Variants in CTNNA3 observed in about 807,000 individuals in gnomAD.
CTNNA3 encodes catenin alpha-3.
Under a neutral mutation model 95.7 loss-of-function variants are expected in CTNNA3, and 76 were observed. The observed-to-expected ratio is 0.79, with a 90% CI of 0.66 to 0.96. The LOEUF (loss-of-function observed/expected upper bound fraction) is 0.96. Among genes scored for constraint, CTNNA3 ranks in the 40% least tolerant of loss-of-function variants. The pLI is 0.00. For missense variants in CTNNA3, 1,191 were observed against 1,089.8 expected, an observed-to-expected ratio of 1.09 and a Z score of -1.31; for synonymous variants, 431 against 374.4, an observed-to-expected ratio of 1.15 and a Z score of -1.74.
intron 7 of CTNNA3, among the ~76,000 whole-genome samples, chr10:67,166,547 T>A (rs1367255747): frequency 6.6e-6 from 1 of 152,224 alleles, no homozygotes; most frequent in Non-Finnish European, 1.5e-5. Context: ...AATCCATTAA[T>A]AATTTTCTCT....
chr10:66,787,729 T>A (rs1041410565), intron 7 of CTNNA3, among the ~76,000 whole-genome samples: 2 of 152,202 alleles, frequency 1.3e-5, no homozygotes, highest in Non-Finnish European at 2.9e-5. Context: ...ACCAGCAAGA[T>A]TTAAAATGAA....
At chr10:66,218,891 C>G (rs79081986) in intron 13 of CTNNA3, among the ~76,000 whole-genome samples, 1 of 152,198 alleles carries the variant, frequency 6.6e-6, no homozygotes, top group Non-Finnish European at 1.5e-5. Context: ...AGATACAGGA[C>G]AGAGTCCTAA....
chr10:66,065,764 C>G (rs2080300920), intron 15 of CTNNA3, among the ~76,000 whole-genome samples: 1 of 152,112 alleles, frequency 6.6e-6, no homozygotes, highest in Non-Finnish European at 1.5e-5. Flanking sequence ...TAAATCCTGT[C>G]TATAAATACA....
chr10:67,486,015 G>C (rs1466200756), intron 5 of CTNNA3, among the ~76,000 whole-genome samples: 1 of 152,110 alleles, frequency 6.6e-6, no homozygotes, highest in Non-Finnish European at 1.5e-5. Context: ...ATGTTATAAA[G>C]CTGCTAAAAA....
At chr10:67,034,957 C>A (rs912176726) in intron 7 of CTNNA3, among the ~76,000 whole-genome samples, 1 of 152,144 alleles carries the variant, frequency 6.6e-6, no homozygotes, top group African/African-American at 2.4e-5. Context: ...ATATGCCCAC[C>A]TATGTCTATA....
At chr10:66,082,547 T>A (rs997406571) in intron 14 of CTNNA3, among the ~76,000 whole-genome samples, 3 of 152,050 alleles carry the variant, frequency 2.0e-5, no homozygotes, top group African/African-American at 7.2e-5. Context: ...GTGGAAAAAT[T>A]GATGAAATTT....
chr10:67,154,898 T>C (rs1416925835), intron 7 of CTNNA3, among the ~76,000 whole-genome samples: 2 of 152,204 alleles, frequency 1.3e-5, no homozygotes. Context: ...TGTTATCTTT[T>C]TAGGAATGTG....
intron 12 of CTNNA3, among the ~76,000 whole-genome samples, chr10:66,353,556 G>T (rs1248733526): frequency 2.6e-5 from 4 of 152,074 alleles, no homozygotes; most frequent in African/African-American, 9.7e-5. Flanking sequence ...GAACTAGTGT[G>T]ACGTGTGTTT....
intron 12 of CTNNA3, among the ~76,000 whole-genome samples, chr10:66,333,192 T>C (rs1305859581): frequency 1.3e-5 from 2 of 152,064 alleles, no homozygotes; most frequent in African/African-American, 4.8e-5. Flanking sequence ...CCTGGATTCA[T>C]TGATTTTTTG....
intron 13 of CTNNA3, among the ~76,000 whole-genome samples, chr10:66,268,314 C>T (rs532856120): frequency 2.5e-4 from 38 of 152,202 alleles, no homozygotes; most frequent in African/African-American, 8.7e-4. Flanking sequence ...ACAGAAGTGA[C>T]ACTCTATGAT....
At chr10:66,840,646 A>C (rs910836598) in intron 7 of CTNNA3, among the ~76,000 whole-genome samples, 1 of 152,174 alleles carries the variant, frequency 6.6e-6, no homozygotes, top group African/African-American at 2.4e-5. Flanking sequence ...CATTCAATAC[A>C]TGAATTCGAA....
intron 3 of CTNNA3, among the ~76,000 whole-genome samples, chr10:67,573,059 A>C (rs1842027430): frequency 6.6e-6 from 1 of 152,220 alleles, no homozygotes; most frequent in Non-Finnish European, 1.5e-5. Context: ...ACTGTGCTCC[A>C]GTCTGGGTGA....
intron 16 of CTNNA3, among the ~76,000 whole-genome samples, chr10:65,979,114 T>C (rs529813667): frequency 2.0e-5 from 3 of 152,274 alleles, no homozygotes; most frequent in East Asian, 1.9e-4. Context: ...AATCCTGTCA[T>C]ATTTTGTCCA....
intron 17 of CTNNA3, among the ~76,000 whole-genome samples, chr10:65,945,109 A>C (rs1387684073): frequency 6.6e-6 from 1 of 151,800 alleles, no homozygotes; most frequent in Non-Finnish European, 1.5e-5. Context: ...ATATGTATGC[A>C]TTTTTATATG....
Position 67,219,871 on chromosome 10 carries a change from C to A in CTNNA3, c.580-1G>T. On this transcript the variant is annotated splice_acceptor_variant, in intron 5 of 17. Coordinates refer to ENST00000433211, the MANE Select transcript of CTNNA3 (RefSeq NM_013266.4). LOFTEE classifies it high-confidence loss of function. The stretch of plus-strand genomic sequence containing the variant: ...CTCTCTGATTTGGAGATTTTAAGTC[C>A]TGAGAAGGTAAATAAAAAGAGTGGT... 1 of 1,600,360 alleles carries A rather than the reference C, an allele frequency of 6.2e-7. No individual in the cohort carries two copies. Among genetic ancestry groups the A allele is most frequent in the Non-Finnish European group, 8.5e-7 (1 of 1,171,232 alleles).
intron 7 of CTNNA3, among the ~76,000 whole-genome samples, chr10:66,946,844 T>C (rs1848298704): frequency 6.6e-6 from 1 of 152,146 alleles, no homozygotes. Context: ...AAGTTCTTGA[T>C]AAACTTCTTT....
intron 17 of CTNNA3, among the ~76,000 whole-genome samples, chr10:65,925,330 TTCTA>T (rs1487280565): frequency 1.3e-5 from 2 of 152,188 alleles, no homozygotes; most frequent in Admixed American, 6.5e-5. Flanking sequence ...TGTCCCCAAC[TTCTA>T]TCTTTCATTC....
intron 15 of CTNNA3, among the ~76,000 whole-genome samples, chr10:66,002,273 G>A (rs2078786577): frequency 6.6e-6 from 1 of 152,058 alleles, no homozygotes; most frequent in Admixed American, 6.6e-5. Flanking sequence ...TCTCCCTCTG[G>A]GTGTTACTTT....
chr10:66,106,130 C>A (rs1362456076), intron 13 of CTNNA3, among the ~76,000 whole-genome samples: 1 of 151,748 alleles, frequency 6.6e-6, no homozygotes, highest in African/African-American at 2.4e-5. Flanking sequence ...TTGCTTGAAT[C>A]CAGGCGGCGG....
Sources: allele counts gnomAD v4.1 joint callset (sites outside exome capture counted in the v4.1 genomes callset), GRCh38; gene constraint gnomAD v4.1.1; transcripts MANE v1.5; gene names NCBI Gene and HGNC (gene_info 2026-07-23, HGNC 2026-07-21).